The following OOEP variants were observed in gnomAD, a reference collection of about 807,000 sequenced individuals.
OOEP encodes the protein oocyte-expressed protein homolog.
A neutral mutation model predicts 13.7 loss-of-function variants in OOEP; 16 were observed. The ratio of observed to expected loss-of-function variants is 1.16; its 90% confidence interval spans 0.79 to 1.77. The LOEUF (loss-of-function observed/expected upper bound fraction) is 1.77, where lower values mean the gene tolerates loss of function less well. Ranked by LOEUF, OOEP falls within the 40% of genes most tolerant of loss-of-function variation. The pLI, the probability that OOEP is intolerant of heterozygous loss-of-function variation, is 0.00. For synonymous variants in OOEP, 89 were observed against 77.1 expected, an observed-to-expected ratio of 1.15 and a Z score of -0.81; for missense variants, 195 against 193.1, an observed-to-expected ratio of 1.01 and a Z score of -0.06.
intron 2 of OOEP, among the ~76,000 whole-genome samples, chr6:73,380,246 C>CT (rs774497914): frequency 0.062 from 7,875 of 126,852 alleles, 572 homozygotes; most frequent in East Asian, 0.19. Flanking sequence ...TTCCAAAATT[C>CT]TTTTTTTTTT....
upstream of OOEP, chr6:73,373,182 G>A (rs9766758): frequency 1.2e-5 from 19 of 1,611,658 alleles, no homozygotes; most frequent in African/African-American, 8.0e-5. Context: ...GTTTTCATCC[G>A]AATCCACTGG....
intron 2 of OOEP, among the ~76,000 whole-genome samples, chr6:73,384,426 C>A (rs1219781650): frequency 6.6e-6 from 1 of 152,160 alleles, no homozygotes; most frequent in Non-Finnish European, 1.5e-5. Flanking sequence ...AAGAACACTT[C>A]CCAGCTAATT....
At chr6:73,387,561 TGTGA>T in intron 2 of OOEP, 1 of 152,104 alleles carries the variant, frequency 6.6e-6, no homozygotes, top group East Asian at 1.9e-4. Context: ...GCTGGATTAA[TGTGA>T]GTATTCATGT....
At position 73,377,021 on chromosome 6, in the gene OOEP, A is replaced by G. The variant is rs182480107; in HGVS notation, c.26-7636T>C. The stretch of plus-strand genomic sequence containing the variant: ...AAATTTATTGTTGGTGAGATGCCCT[A>G]TGGTTCTTTGGCTACATCCTTATAT... On this transcript the variant is annotated intron_variant, in intron 2 of 3. Transcript: ENST00000370363. Among the ~76,000 whole-genome samples the G allele has an allele frequency of 1.6e-3, 240 of 152,268 alleles. 1 individual carries two copies. The highest frequency in any genetic ancestry group is 5.3e-3 in the African/African-American group (219 of 41,560).
At chr6:73,395,141 T>A, upstream of OOEP, 2 of 1,612,952 alleles carry the variant, frequency 1.2e-6, no homozygotes, top group Non-Finnish European at 1.7e-6. Flanking sequence ...AGCCACTTTG[T>A]TGGCGCGGTA....
exon 1 of OOEP, chr6:73,394,839 A>G: frequency 1.3e-6 from 2 of 1,576,184 alleles, no homozygotes; most frequent in South Asian, 1.2e-5. Flanking sequence ...CGCTACTCTT[A>G]CGACGTCACG....
chr6:73,383,845 TCA>T (rs776382368), intron 2 of OOEP, among the ~76,000 whole-genome samples: 2 of 151,976 alleles, frequency 1.3e-5, no homozygotes, highest in Non-Finnish European at 2.9e-5. Flanking sequence ...ACACCTGTAA[TCA>T]CACTTTGGGA....
chr6:73,369,069 A>C, intron 2 of OOEP, 137 bp downstream of exon 2: 1 of 954,432 alleles, frequency 1.0e-6, no homozygotes. Context: ...CCTCCCAACA[A>C]ACTTCGTACA....
intron 2 of OOEP, among the ~76,000 whole-genome samples, chr6:73,376,344 G>GTTTTTTTTTTTTTTTT (rs70994194): frequency 4.8e-5 from 5 of 103,558 alleles, no homozygotes; most frequent in African/African-American, 7.9e-5. Flanking sequence ...ACAAGGGGTT[G>GTTTTTTTTTTTTTTTT]TTTTTTTTTT....
chr6:73,371,805 G>A (rs1233182221), upstream of OOEP, among the ~76,000 whole-genome samples: 2 of 151,708 alleles, frequency 1.3e-5, no homozygotes, highest in Non-Finnish European at 2.9e-5. Context: ...GTGGTTACCT[G>A]CAATCCCAGC....
chr6:73,370,806 A>G (rs1769037166), upstream of OOEP, among the ~76,000 whole-genome samples: 1 of 152,248 alleles, frequency 6.6e-6, no homozygotes, highest in Admixed American at 6.5e-5. Context: ...TTTCTGAGAT[A>G]GGTCTCACTC....
chr6:73,375,582 A>G (rs759144512), intron 2 of OOEP, among the ~76,000 whole-genome samples: 31 of 145,614 alleles, frequency 2.1e-4, no homozygotes, highest in South Asian at 1.3e-3. Flanking sequence ...TATATAAAAC[A>G]TATATATGCT....
intron 2 of OOEP, among the ~76,000 whole-genome samples, chr6:73,378,585 G>A (rs1343960779): frequency 6.6e-6 from 1 of 151,920 alleles, no homozygotes; most frequent in Non-Finnish European, 1.5e-5. Flanking sequence ...AGTACCAGCA[G>A]GGCGCAGTGG....
upstream of OOEP, among the ~76,000 whole-genome samples, chr6:73,374,246 C>T (rs1023955466): frequency 1.3e-5 from 2 of 152,004 alleles, no homozygotes; most frequent in Non-Finnish European, 2.9e-5. Context: ...GAAAGGGGCT[C>T]CATTAAAAGT....
At chr6:73,372,395 T>G (rs1311178143), upstream of OOEP, among the ~76,000 whole-genome samples, 1 of 152,096 alleles carries the variant, frequency 6.6e-6, no homozygotes, top group Admixed American at 6.6e-5. Flanking sequence ...CAGTCTCAGG[T>G]GTAGCCCAAC....
At chr6:73,395,064 C>G (rs1480503788) in exon 1 of OOEP, 2 of 1,613,494 alleles carry the variant, frequency 1.2e-6, no homozygotes, top group East Asian at 4.5e-5. Context: ...GCTGGAGAGG[C>G]ACCTCTAGGC....
At chr6:73,374,206 C>T (rs1346751785), upstream of OOEP, among the ~76,000 whole-genome samples, 2 of 151,962 alleles carry the variant, frequency 1.3e-5, no homozygotes, top group Non-Finnish European at 2.9e-5. Context: ...ATAAAGATAA[C>T]GTACAATTTT....
At chr6:73,379,777 T>C (rs1246134922) in intron 2 of OOEP, among the ~76,000 whole-genome samples, 1 of 152,150 alleles carries the variant, frequency 6.6e-6, no homozygotes, top group African/African-American at 2.4e-5. Flanking sequence ...GACAGGGTTT[T>C]GCTATGTTGC....
chr6:73,392,619 CTTTTTTTTTTT>C (rs70994198), intron 2 of OOEP, among the ~76,000 whole-genome samples: 2 of 43,992 alleles, frequency 4.5e-5, no homozygotes, highest in African/African-American at 9.9e-5. Context: ...CCTAGGTAAT[CTTTTTTTTTTT>C]TTTTTTTTTT....
Sources: gnomAD v4.1 joint callset for allele counts (sites outside exome capture counted in the v4.1 genomes callset) on GRCh38, gnomAD v4.1.1 for gene constraint, MANE v1.5 for transcripts, NCBI Gene and HGNC (gene_info 2026-07-23, HGNC 2026-07-21) for gene names.